GRB10: variants seen among roughly 807,000 people sequenced by gnomAD.
GRB10 encodes growth factor receptor bound protein 10, also known as growth factor receptor-bound protein 10.
A neutral mutation model predicts 80.9 loss-of-function variants in GRB10; 20 were observed. That is an observed-to-expected ratio of 0.25 (90% CI 0.17 to 0.36). GRB10 has a LOEUF of 0.36. GRB10 is among the 10% of genes least tolerant of loss of function. The probability of loss-of-function intolerance (pLI) is 1.00; values close to 1 mark genes in which losing one functional copy is unlikely to be tolerated. For missense variants in GRB10, 548 were observed against 747.7 expected, an observed-to-expected ratio of 0.73 and a Z score of 3.12; for synonymous variants, 291 against 291.5, an observed-to-expected ratio of 1.00 and a Z score of 0.02.
At chr7:50,638,385 A>C (rs2055478495) in intron 7 of GRB10, among the ~76,000 whole-genome samples, 2 of 152,226 alleles carry the variant, frequency 1.3e-5, no homozygotes, top group Admixed American at 1.3e-4. Flanking sequence ...GAACTCAAAC[A>C]ACTCAGCCAG....
At position 50,606,241 on chromosome 7, in the gene GRB10, T is replaced by C; in HGVS notation, c.1272+96A>G. ...AAATGCACACACACTCTCCAGAGCT[T>C]CTCTTGCCCACCCTGTGTGAAATGA... is the stretch of plus-strand genomic sequence containing the variant. On this transcript the variant is annotated intron_variant, in intron 14 of 18. Transcript: ENST00000401949. 3 of 994,114 alleles carry C rather than the reference T, an allele frequency of 3.0e-6. No homozygotes were observed. The East Asian group carries it at 7.1e-5, about 24-fold the overall frequency. 61.6% of individuals were successfully genotyped at this position (994,114 alleles called of 1,614,324 possible).
At chr7:50,661,329 A>G (rs1343336116) in intron 7 of GRB10, among the ~76,000 whole-genome samples, 2 of 152,248 alleles carry the variant, frequency 1.3e-5, no homozygotes, top group Non-Finnish European at 2.9e-5. Flanking sequence ...AAAATTAAGC[A>G]GAGGGAGAAG....
chr7:50,712,277 G>A (rs958238897), intron 4 of GRB10, among the ~76,000 whole-genome samples: 2 of 152,114 alleles, frequency 1.3e-5, no homozygotes, highest in Non-Finnish European at 2.9e-5. Flanking sequence ...TACACTTTAG[G>A]TCTATGCAAG....
intron 6 of GRB10, among the ~76,000 whole-genome samples, chr7:50,673,352 C>T (rs2060560884): frequency 6.6e-6 from 1 of 152,152 alleles, no homozygotes; most frequent in Non-Finnish European, 1.5e-5. Flanking sequence ...TTGAGGGCTG[C>T]CCCTGGCTCT....
intron 12 of GRB10, 49 bp downstream of exon 12, chr7:50,614,721 C>T (rs1366128134): frequency 3.5e-6 from 4 of 1,140,670 alleles, no homozygotes; most frequent in Non-Finnish European, 5.3e-6. Flanking sequence ...AAGTCAGTCT[C>T]CTGTGGGCTG....
chr7:50,650,234 A>G (rs1201926685), intron 7 of GRB10, among the ~76,000 whole-genome samples: 1 of 152,226 alleles, frequency 6.6e-6, no homozygotes, highest in Non-Finnish European at 1.5e-5. Context: ...GCCACCCCCA[A>G]CTGGCCACTG....
intron 1 of GRB10, among the ~76,000 whole-genome samples, chr7:50,781,717 G>A (rs1484672622): frequency 1.3e-5 from 2 of 152,250 alleles, no homozygotes; most frequent in African/African-American, 4.8e-5. Flanking sequence ...GAGGCGACTG[G>A]CGTGTGGAAC....
At chr7:50,644,015 C>T (rs1478644940) in intron 7 of GRB10, among the ~76,000 whole-genome samples, 2 of 152,166 alleles carry the variant, frequency 1.3e-5, no homozygotes, top group Non-Finnish European at 2.9e-5. Context: ...AGTATCTTTT[C>T]CCATAGTAAC....
intron 7 of GRB10, among the ~76,000 whole-genome samples, chr7:50,642,649 A>T (rs1317207980): frequency 6.6e-6 from 1 of 152,230 alleles, no homozygotes; most frequent in Admixed American, 6.5e-5. Flanking sequence ...TGGGATACTC[A>T]GCTAGTAAGT....
intron 2 of GRB10, among the ~76,000 whole-genome samples, chr7:50,777,659 C>A (rs1180796716): frequency 6.6e-6 from 1 of 151,780 alleles, no homozygotes; most frequent in African/African-American, 2.4e-5. Flanking sequence ...AGACATGGAA[C>A]CAACCCAAAT....
intron 17 of GRB10, among the ~76,000 whole-genome samples, chr7:50,601,033 AG>A (rs2047503475): frequency 6.6e-6 from 1 of 152,256 alleles, no homozygotes; most frequent in Non-Finnish European, 1.5e-5. Context: ...TGTACATAAA[AG>A]AAAACCCAAG....
chr7:50,614,999 C>T (rs2050304360), intron 11 of GRB10, 119 bp from the exon 12 acceptor site: 2 of 723,506 alleles, frequency 2.8e-6, no homozygotes, highest in Admixed American at 2.0e-5. Flanking sequence ...TGACACTATA[C>T]ATATTACATA....
upstream of GRB10, among the ~76,000 whole-genome samples, chr7:50,784,582 G>A (rs543255896): frequency 5.3e-5 from 8 of 152,332 alleles, no homozygotes; most frequent in South Asian, 2.1e-4. Context: ...GTCCCAGTTC[G>A]AAGCAGCTGT....
Position 50,614,793 on chromosome 7 carries a change from T to C in GRB10, c.1072A>G (p.Thr358Ala), listed in dbSNP as rs1408402913. Residue 358 changes from threonine to alanine, a missense_variant, in exon 12 of 19, where the codon ACA becomes GCA. By Grantham distance (58) the Thr-to-Ala change is moderately conservative. Around this residue, in one of 4 missense-constraint regions of GRB10, gnomAD observed 270 missense variants for 433.6 expected, o/e 0.62. Coordinates refer to ENST00000401949, the MANE Select transcript of GRB10 (RefSeq NM_001350814.2). ...IAGRKQYNAP[T>A]DHGLCIKPNK... The stretch of plus-strand genomic sequence containing the variant: ...ACCTTTATGCAGAGCCCGTGGTCTG[T>C]AGGGGCGTTGTACTGCTTCCTGCCA... 3 of 1,613,636 alleles carry C rather than the reference T, an allele frequency of 1.9e-6. No homozygotes were observed. Among genetic ancestry groups the C allele is most frequent in the Non-Finnish European group, 2.5e-6 (3 of 1,179,618 alleles).
At chr7:50,601,187 G>A (rs1436715409) in intron 17 of GRB10, among the ~76,000 whole-genome samples, 6 of 152,316 alleles carry the variant, frequency 3.9e-5, no homozygotes, top group Non-Finnish European at 5.9e-5. Flanking sequence ...CTTTTCACTC[G>A]TATTTGTACA....
chr7:50,652,611 A>G (rs928892351), intron 7 of GRB10, among the ~76,000 whole-genome samples: 1 of 152,114 alleles, frequency 6.6e-6, no homozygotes, highest in Admixed American at 6.5e-5. Flanking sequence ...GTGTCCAGAG[A>G]CCAGGTCATT....
chr7:50,663,788 G>A (rs1326722555), intron 7 of GRB10, among the ~76,000 whole-genome samples: 2 of 152,168 alleles, frequency 1.3e-5, no homozygotes, highest in Non-Finnish European at 2.9e-5. Flanking sequence ...CTTAGTGGAC[G>A]CCAGATCCAG....
intron 2 of GRB10, among the ~76,000 whole-genome samples, chr7:50,778,352 T>TGTTA (rs1022765780): frequency 6.6e-6 from 1 of 152,172 alleles, no homozygotes; most frequent in Non-Finnish European, 1.5e-5. Flanking sequence ...ACCACCAGCC[T>TGTTA]AGGAAGACTG....
intron 18 of GRB10, among the ~76,000 whole-genome samples, chr7:50,594,730 A>C (rs2046340155): frequency 2.6e-5 from 4 of 152,228 alleles, no homozygotes; most frequent in Admixed American, 1.3e-4. Context: ...CATGAACTAG[A>C]ATTGAACTGT....
Sources: gnomAD v4.1 joint callset for allele counts (sites outside exome capture counted in the v4.1 genomes callset) on GRCh38, gnomAD v4.1.1 for gene constraint, gnomAD v4.1.1 regional missense constraint, MANE v1.5 for transcripts, NCBI Gene and HGNC (gene_info 2026-07-23, HGNC 2026-07-21) for gene names.